FBN1: variants seen among roughly 807,000 people sequenced by gnomAD.
The protein encoded by FBN1 is fibrillin-1.
FBN1 carries 29 observed loss-of-function variants against 365.1 expected under a neutral mutation model. That is an observed-to-expected ratio of 0.08 (90% CI 0.06 to 0.11). FBN1 has a LOEUF of 0.11. FBN1 is among the 10% of genes least tolerant of loss of function. FBN1 has a pLI of 1.00. For missense variants in FBN1, 2,476 were observed against 3,703.2 expected (o/e 0.67, Z 8.60); for synonymous variants, 1,210 against 1,270.5 (o/e 0.95, Z 1.01).
intron 45 of FBN1, among the ~76,000 whole-genome samples, chr15:48,451,202 T>G (rs1339231418): frequency 6.6e-6 from 1 of 152,202 alleles, no homozygotes; most frequent in African/African-American, 2.4e-5. Context: ...TGTGAAATGG[T>G]GTGAAATGAC....
chr15:48,512,372 A>G (rs2043767446), intron 13 of FBN1, among the ~76,000 whole-genome samples: 1 of 152,216 alleles, frequency 6.6e-6, no homozygotes, highest in African/African-American at 2.4e-5. Flanking sequence ...CAGGTTTGTT[A>G]AATAGGTAAA....
rs111687884 is a variant in FBN1, at chr15:48,537,704, G to C, written c.643C>G (p.Arg215Gly). The C allele has an allele frequency of 9.3e-6, 15 of 1,614,098 alleles. No homozygotes were observed. The highest frequency in any genetic ancestry group is 1.7e-5 in the Admixed American group (1 of 60,012). The change falls in exon 7 of 66, where the codon CGA (arginine) becomes GGA (glycine). Residue 215 changes from arginine to glycine, a missense_variant. By Grantham distance (125) the Arg-to-Gly change is moderately radical. Transcript: ENST00000316623. ...ATCTCACAGGGGTGGCCCCAGGCTC[G>C]GCCGACTGTGGCACAGCAGAGCGTT... is the stretch of plus-strand genomic sequence containing the variant. Reference protein sequence around the residue: ...TKTLCCATVGRAWGHPCEMCP... With the variant: ...TKTLCCATVGGAWGHPCEMCP...
At chr15:48,615,418 A>G (rs1036964001) in intron 2 of FBN1, among the ~76,000 whole-genome samples, 4 of 152,228 alleles carry the variant, frequency 2.6e-5, no homozygotes, top group Admixed American at 6.5e-5. Flanking sequence ...TAACAATTTC[A>G]GTCCTACAAA....
chr15:48,460,316 A>G lies in FBN1; in HGVS notation c.5226T>C (p.Asp1742=). The G allele has an allele frequency of 6.2e-7, 1 of 1,608,142 alleles. No homozygotes were observed. Among genetic ancestry groups the G allele is most frequent in the East Asian group, 2.2e-5 (1 of 44,838 alleles). ...GACTTCCACAGAGTGTAGCAAACTC[A>G]TCTGCAATGATTAAACAAAGGTGGG... ...PCEQCPIPST[D]EFATLCGSQR... Residue 1742 remains aspartate, a splice_region_variant and synonymous_variant, in exon 43 of 66, where the codon GAT becomes GAC. Coordinates refer to ENST00000316623, the MANE Select transcript of FBN1 (RefSeq NM_000138.5).
chr15:48,544,930 C>A (rs1470032658), intron 6 of FBN1, among the ~76,000 whole-genome samples: 1 of 152,088 alleles, frequency 6.6e-6, no homozygotes, highest in Non-Finnish European at 1.5e-5. Context: ...ATAATAAAAT[C>A]ATACAGAATA....
chr15:48,644,805 C>A lies in FBN1; in HGVS notation c.-36G>T, dbSNP rs543570298. ...CGCCACCGGCTCCCGCCGCCTCTTGCCGCGCCCGGGGCTCGGTCTGCGGCC... is the reference window on the plus strand; with the variant it reads ...CGCCACCGGCTCCCGCCGCCTCTTGACGCGCCCGGGGCTCGGTCTGCGGCC... On this transcript the variant is annotated 5_prime_UTR_variant, in exon 2 of 66. Transcript: ENST00000316623. The A allele has an allele frequency of 6.3e-7, 1 of 1,594,648 alleles. No individual in the cohort carries two copies. Among genetic ancestry groups the A allele is most frequent in the Admixed American group, 1.7e-5 (1 of 58,726 alleles).
chr15:48,559,486 A>G (rs925677619), intron 6 of FBN1, among the ~76,000 whole-genome samples: 15 of 152,180 alleles, frequency 9.9e-5, no homozygotes, highest in African/African-American at 3.4e-4. Context: ...AAGGACAAGC[A>G]GGCAGACCTC....
intron 32 of FBN1, among the ~76,000 whole-genome samples, chr15:48,475,689 G>C (rs2043413155): frequency 6.6e-6 from 1 of 152,164 alleles, no homozygotes; most frequent in Admixed American, 6.5e-5. Flanking sequence ...GCATGAAAAA[G>C]AAACTGGGCA....
At chr15:48,454,936 G>A (rs2043228021) in intron 44 of FBN1, among the ~76,000 whole-genome samples, 1 of 152,160 alleles carries the variant, frequency 6.6e-6, no homozygotes, top group Non-Finnish European at 1.5e-5. Context: ...GAAACACAGG[G>A]GGCAGATTGC....
At chr15:48,524,380 ATTCCAAACAACTG>A (rs1476388266) in intron 9 of FBN1, among the ~76,000 whole-genome samples, 1 of 152,206 alleles carries the variant, frequency 6.6e-6, no homozygotes, top group South Asian at 2.1e-4. Flanking sequence ...AGACCTACTC[ATTCCAAACAACTG>A]TCTTACGAAC....
chr15:48,477,650 T>C (rs1445047151), intron 32 of FBN1, among the ~76,000 whole-genome samples: 2 of 152,208 alleles, frequency 1.3e-5, no homozygotes, highest in African/African-American at 2.4e-5. Context: ...ACAAAAATGC[T>C]GTATTGAAAC....
intron 20 of FBN1, 148 bp from the exon 21 acceptor site, chr15:48,495,736 C>T (rs2043602432): frequency 3.1e-6 from 3 of 953,462 alleles, no homozygotes; most frequent in Non-Finnish European, 3.3e-6. Context: ...AGATGGAATG[C>T]CAAAATAATA....
intron 8 of FBN1, among the ~76,000 whole-genome samples, chr15:48,532,432 A>G (rs2043980428): frequency 6.6e-6 from 1 of 152,058 alleles, no homozygotes; most frequent in South Asian, 2.1e-4. Flanking sequence ...GTGTGTGTGT[A>G]TATAGATATA....
At chr15:48,554,559 T>C (rs770053419) in intron 6 of FBN1, among the ~76,000 whole-genome samples, 3 of 152,188 alleles carry the variant, frequency 2.0e-5, no homozygotes, top group Non-Finnish European at 4.4e-5. Flanking sequence ...GTTACCTCCC[T>C]GTGGAGAAGC....
chr15:48,476,186 A>C (rs896334121), intron 32 of FBN1, among the ~76,000 whole-genome samples: 1 of 152,248 alleles, frequency 6.6e-6, no homozygotes, highest in Non-Finnish European at 1.5e-5. Flanking sequence ...CTGACCTAAC[A>C]GATCCCGCAG....
chr15:48,448,917 T>C, intron 45 of FBN1, 24 bp from the exon 46 acceptor site: 2 of 1,599,096 alleles, frequency 1.3e-6, no homozygotes, highest in Non-Finnish European at 1.7e-6. Context: ...GCATCTTAAG[T>C]GAGAACTTAG....
intron 2 of FBN1, 178 bp downstream of exon 2, chr15:48,644,428 G>C (rs1046048761): frequency 1.0e-5 from 8 of 795,480 alleles, no homozygotes; most frequent in Non-Finnish European, 1.7e-5. Context: ...AAATCTCTGG[G>C]AGTAGGGGCA....
chr15:48,552,332 G>A (rs1425570630), intron 6 of FBN1, among the ~76,000 whole-genome samples: 1 of 150,896 alleles, frequency 6.6e-6, no homozygotes, highest in African/African-American at 2.4e-5. Flanking sequence ...GAGTTCAGTG[G>A]TGGGATCACA....
intron 6 of FBN1, among the ~76,000 whole-genome samples, chr15:48,593,916 T>G (rs1020064255): frequency 2.6e-5 from 4 of 152,112 alleles, no homozygotes; most frequent in African/African-American, 9.7e-5. Flanking sequence ...CACATCCCAG[T>G]TAAAACAGAA....
Sources: allele counts gnomAD v4.1 joint callset (sites outside exome capture counted in the v4.1 genomes callset), GRCh38; gene constraint gnomAD v4.1.1; transcripts MANE v1.5; gene names NCBI Gene and HGNC (gene_info 2026-07-23, HGNC 2026-07-21).